PALM2AKAP2: variants seen among roughly 807,000 people sequenced by gnomAD.
PALM2AKAP2 encodes the protein PALM2 and AKAP2 fusion.
In PALM2AKAP2, 37 loss-of-function variants were observed where a neutral mutation model predicts 71.5. That is an observed-to-expected ratio of 0.52 (90% confidence interval 0.40 to 0.68). PALM2AKAP2 has a LOEUF of 0.68. PALM2AKAP2 is among the 30% of genes least tolerant of loss of function. The pLI, the probability that PALM2AKAP2 is intolerant of heterozygous loss-of-function variation, is 0.00. For missense variants in PALM2AKAP2, 1,224 were observed against 1,191.8 expected (o/e 1.03, Z -0.40); for synonymous variants, 468 against 478.8 (o/e 0.98, Z 0.29).
rs923888737 is a variant in PALM2AKAP2, at chr9:109,800,021, A to G, written c.45+19488A>G. On this transcript the variant is annotated intron_variant, in intron 1 of 9. Transcript: ENST00000302798. ...TATTTTTAGGGAAAGCTAAGAATTC[A>G]GTCAGAGCCACTCGGATTCCCTATT... Among the ~76,000 whole-genome samples the G allele has an allele frequency of 5.9e-5, 9 of 152,190 alleles. 1 individual carries two copies. Among genetic ancestry groups the G allele is most frequent in the Admixed American group, 5.2e-4 (8 of 15,288 alleles).
intron 1 of PALM2AKAP2, among the ~76,000 whole-genome samples, chr9:110,076,947 G>A (rs1021415289): frequency 1.3e-5 from 2 of 152,180 alleles, no homozygotes; most frequent in African/African-American, 4.8e-5. Context: ...GCACATGAAG[G>A]AGGCTGTCAC....
intron 7 of PALM2AKAP2, among the ~76,000 whole-genome samples, chr9:110,025,937 G>T (rs1488517343): frequency 2.6e-5 from 4 of 152,030 alleles, no homozygotes; most frequent in Non-Finnish European, 5.9e-5. Flanking sequence ...TCTGAGTGAG[G>T]GACCCTCTTC....
At chr9:109,799,793 C>T (rs1186506155) in intron 1 of PALM2AKAP2, among the ~76,000 whole-genome samples, 1 of 152,186 alleles carries the variant, frequency 6.6e-6, no homozygotes, top group African/African-American at 2.4e-5. Context: ...CCGCGTCGGC[C>T]ACCATTAGGT....
chr9:109,804,660 A>C (rs769786729), intron 1 of PALM2AKAP2, among the ~76,000 whole-genome samples: 8 of 152,192 alleles, frequency 5.3e-5, no homozygotes, highest in Non-Finnish European at 1.0e-4. Context: ...TGGTGGGGAA[A>C]AGAAGACTGG....
intron 1 of PALM2AKAP2, among the ~76,000 whole-genome samples, chr9:109,825,531 A>G (rs1174254922): frequency 6.6e-6 from 1 of 152,172 alleles, no homozygotes; most frequent in African/African-American, 2.4e-5. Context: ...ATAACAAACA[A>G]CCCAATCAAC....
intron 1 of PALM2AKAP2, among the ~76,000 whole-genome samples, chr9:110,100,051 CTATATATATATATA>C (rs71373968): frequency 3.7e-5 from 4 of 109,482 alleles, no homozygotes; most frequent in Non-Finnish European, 7.5e-5. Flanking sequence ...GTATGTGTGT[CTATATATATATATA>C]TATATATATA....
At chr9:109,874,935 T>C (rs1363313503) in intron 2 of PALM2AKAP2, among the ~76,000 whole-genome samples, 1 of 152,238 alleles carries the variant, frequency 6.6e-6, no homozygotes, top group Non-Finnish European at 1.5e-5. Flanking sequence ...GCTAATATTC[T>C]CTGTCACTTG....
At chr9:109,975,860 A>G (rs10816908) in intron 6 of PALM2AKAP2, among the ~76,000 whole-genome samples, 25,883 of 152,236 alleles carry the variant, frequency 0.17, 2,893 homozygotes, top group Non-Finnish European at 0.25. Flanking sequence ...GGGCCTGTGC[A>G]TTCAGGGTCA....
chr9:110,090,324 G>A (rs1047444893), intron 1 of PALM2AKAP2: 6 of 456,336 alleles, frequency 1.3e-5, no homozygotes, highest in Middle Eastern at 3.3e-4. Flanking sequence ...AAACTGGGAC[G>A]AAGCTGTAGG....
At chr9:109,675,030 G>A (rs556192435) in intron 1 of PALM2AKAP2, among the ~76,000 whole-genome samples, 118 of 152,134 alleles carry the variant, frequency 7.8e-4, no homozygotes, top group Non-Finnish European at 1.5e-3. Context: ...TATTCTTTGT[G>A]TTAGATGATT....
At chr9:109,893,081 G>C (rs902796244) in intron 3 of PALM2AKAP2, among the ~76,000 whole-genome samples, 3 of 152,108 alleles carry the variant, frequency 2.0e-5, no homozygotes, top group Non-Finnish European at 4.4e-5. Context: ...TGCCTTGGAG[G>C]GGTACACCTC....
At chr9:109,892,578 T>C (rs1830112147) in intron 3 of PALM2AKAP2, among the ~76,000 whole-genome samples, 1 of 152,166 alleles carries the variant, frequency 6.6e-6, no homozygotes, top group Non-Finnish European at 1.5e-5. Flanking sequence ...TTAATTTATA[T>C]GTTTCAGCCT....
chr9:110,156,957 A>G (rs938441647), intron 3 of PALM2AKAP2, among the ~76,000 whole-genome samples: 1 of 152,200 alleles, frequency 6.6e-6, no homozygotes, highest in African/African-American at 2.4e-5. Flanking sequence ...TACAGTGCTT[A>G]AAAGACTGAG....
chr9:110,032,168 C>G lies in PALM2AKAP2; in HGVS notation c.582+16129C>G, dbSNP rs1311561703. ...GACTACTGCACCCATCATACTGTAG[C>G]TTAAGACAGTTTCTTCTTTTAGTTT... On this transcript the variant is annotated intron_variant, in intron 7 of 9. Coordinates refer to the PALM2AKAP2 transcript ENST00000302798. 2.0e-5 allele frequency among the ~76,000 whole-genome samples: 3 copies of G among 151,746 alleles called. No homozygotes were observed. In the East Asian group the frequency reaches 5.8e-4, roughly 29 times the overall value.
chr9:109,780,194 C>T, upstream of PALM2AKAP2: 4 of 806,292 alleles, frequency 5.0e-6, no homozygotes, highest in Non-Finnish European at 6.1e-6. Flanking sequence ...CGGCGGCTGC[C>T]GGCGTCCCAC....
At chr9:109,780,587 C>T (rs560347368) in intron 1 of PALM2AKAP2, 54 bp downstream of exon 1, 8 of 1,610,956 alleles carry the variant, frequency 5.0e-6, no homozygotes, top group African/African-American at 2.7e-5. Context: ...TGGAAGGGGG[C>T]CCCCGAGGGT....
intron 6 of PALM2AKAP2, among the ~76,000 whole-genome samples, chr9:109,991,685 A>G (rs1327774): frequency 0.28 from 43,193 of 152,166 alleles, 7,735 homozygotes; most frequent in Non-Finnish European, 0.41. Flanking sequence ...GAAGATATTG[A>G]GGATAGCTTG....
chr9:109,915,442 T>C (rs1830664926), intron 3 of PALM2AKAP2, among the ~76,000 whole-genome samples: 1 of 152,216 alleles, frequency 6.6e-6, no homozygotes. Flanking sequence ...CTTTAGGGAA[T>C]GAAGGTAAAA....
intron 1 of PALM2AKAP2, among the ~76,000 whole-genome samples, chr9:109,803,216 C>T (rs7048452): frequency 2.0e-5 from 3 of 152,170 alleles, no homozygotes; most frequent in Non-Finnish European, 4.4e-5. Context: ...TTAGAATTGA[C>T]GAAATCTAGT....
Sources: allele counts gnomAD v4.1 joint callset (sites outside exome capture counted in the v4.1 genomes callset), GRCh38; gene constraint gnomAD v4.1.1; transcripts MANE v1.5; gene names NCBI Gene and HGNC (gene_info 2026-07-23, HGNC 2026-07-21).